TDRD9: variants seen among roughly 807,000 people sequenced by gnomAD.
TDRD9 encodes ATP-dependent RNA helicase TDRD9.
In TDRD9, 124 loss-of-function variants were observed where a neutral mutation model predicts 172.6. The ratio of observed to expected loss-of-function variants is 0.72; its 90% CI spans 0.62 to 0.83. TDRD9 has a LOEUF of 0.83. Ranked by LOEUF, TDRD9 falls within the 40% of genes least tolerant of loss-of-function variation. TDRD9 has a pLI of 0.00. For synonymous variants in TDRD9, 619 were observed against 617.1 expected, an observed-to-expected ratio of 1.00 and a Z score of -0.05; for missense variants, 1,479 against 1,714.1, an observed-to-expected ratio of 0.86 and a Z score of 2.42.
chr14:104,017,529 T>C (rs914082644), intron 22 of TDRD9, among the ~76,000 whole-genome samples: 2 of 152,220 alleles, frequency 1.3e-5, no homozygotes, highest in African/African-American at 4.8e-5. Flanking sequence ...TTACATGCCT[T>C]CTGTCACGGA....
intron 2 of TDRD9, among the ~76,000 whole-genome samples, chr14:103,956,101 AAAAAAAAAAAATATATATATATATAT>A (rs1166548080): frequency 9.2e-5 from 5 of 54,236 alleles, no homozygotes; most frequent in African/African-American, 1.6e-4. Context: ...AAAAAAAAAA[AAAAAAAAAAAATATATATATATATAT>A]ATATATATAT....
At chr14:103,979,515 C>T (rs558770764) in intron 7 of TDRD9, among the ~76,000 whole-genome samples, 1 of 152,292 alleles carries the variant, frequency 6.6e-6, no homozygotes, top group South Asian at 2.1e-4. Context: ...TTGTAACAGT[C>T]ACCTCTCAGG....
At chr14:104,025,826 G>T (rs77647582) in intron 26 of TDRD9, 50 bp downstream of exon 26, 6 of 1,392,862 alleles carry the variant, frequency 4.3e-6, no homozygotes, top group African/African-American at 1.4e-5. Flanking sequence ...ACAGACAGAC[G>T]TACAGCAGTT....
At chr14:103,972,743 C>T (rs1269329750) in intron 6 of TDRD9, among the ~76,000 whole-genome samples, 2 of 152,202 alleles carry the variant, frequency 1.3e-5, no homozygotes, top group East Asian at 3.8e-4. Context: ...ATTTCTCTTT[C>T]TCTTTCCCAT....
chr14:103,987,846 G>T lies in TDRD9; in HGVS notation c.1115+1526G>T, dbSNP rs548410337. ...TATATATTATCGAAAATGAGATATT[G>T]ATGTCCTCAGCAGTTGTTATTGAAT... On this transcript the variant is annotated intron_variant, in intron 8 of 35. Coordinates refer to ENST00000409874, the MANE Select transcript of TDRD9 (RefSeq NM_153046.3). Among the ~76,000 whole-genome samples the T allele has an allele frequency of 6.2e-4, 94 of 152,214 alleles. No individual in the cohort carries two copies. In the Middle Eastern group the frequency reaches 0.01, roughly 17 times the overall value.
chr14:104,014,251 G>GTC (rs2034712990), intron 20 of TDRD9, among the ~76,000 whole-genome samples: 1 of 61,682 alleles, frequency 1.6e-5, no homozygotes, highest in African/African-American at 5.3e-5. Flanking sequence ...AAAAAAAAAA[G>GTC]ATAATAATAA....
In TDRD9 at chr14:103,932,564, T is replaced by A. The variant is rs191660769; in HGVS notation, c.215+3840T>A. Among the ~76,000 whole-genome samples the A allele has an allele frequency of 1.9e-3, 286 of 152,254 alleles. 1 individual carries two copies. Among genetic ancestry groups the A allele is most frequent in the African/African-American group, 6.7e-3 (279 of 41,548 alleles). ...CACCACAGCCGGCTAATTTTTTGTA[T>A]TTTTAGTAGAGACGGGGTTTCACCG... On this transcript the variant is annotated intron_variant, in intron 1 of 35. Coordinates refer to ENST00000409874, the MANE Select transcript of TDRD9 (RefSeq NM_153046.3).
chr14:103,934,456 G>T (rs2030616875), intron 1 of TDRD9, among the ~76,000 whole-genome samples: 1 of 152,094 alleles, frequency 6.6e-6, no homozygotes, highest in Non-Finnish European at 1.5e-5. Flanking sequence ...GAGAGAATAG[G>T]TGTGGTCACG....
Position 104,034,999 on chromosome 14 carries a change from A to G in TDRD9, c.3659A>G (p.His1220Arg), listed in dbSNP as rs2035407446. 3.2e-6 allele frequency: 5 copies of G among 1,551,694 alleles called. No individual in the cohort carries two copies. The highest frequency in any genetic ancestry group is 1.2e-5 in the South Asian group (1 of 84,054). ...MLLRETSLMP[H>R]IPGLPALLSM... ...CTGAGAGAAACCTCTCTGATGCCTCATATCCCTGGCCTCCCGGCTCTCCTC... is the reference window on the plus strand; with the variant it reads ...CTGAGAGAAACCTCTCTGATGCCTCGTATCCCTGGCCTCCCGGCTCTCCTC... The change falls in exon 32 of 36, where the codon CAT becomes CGT. Residue 1220 changes from histidine to arginine, a missense_variant. Physicochemically the swap from His to Arg is conservative, Grantham distance 29. This residue lies in a region of TDRD9 where 1,413 missense variants were observed against 1,649.1 expected (regional missense o/e 0.86). Coordinates refer to ENST00000409874, the MANE Select transcript of TDRD9 (RefSeq NM_153046.3).
rs78768922 is a variant in TDRD9, at chr14:104,025,733, A to T, written c.2888A>T (p.Tyr963Phe). 2 of 1,613,992 alleles carry T rather than the reference A, an allele frequency of 1.2e-6. No homozygotes were observed. Among genetic ancestry groups the T allele is most frequent in the African/African-American group, 2.7e-5 (2 of 75,046 alleles). ...APFADFDKQR[Y>F]FRAQVLYVSG... is the part of the protein sequence containing the mutation. ...TTTGCTGATTTTGATAAACAACGCT[A>T]CTTTAGAGCTCAAGTCCTTTATGTT... The change falls in exon 26 of 36, where the codon TAC becomes TTC. Residue 963 changes from tyrosine (Y) to phenylalanine (F), a missense_variant. Coordinates refer to ENST00000409874, the MANE Select transcript of TDRD9 (RefSeq NM_153046.3).
rs182061886 is a variant in TDRD9 at position 103,937,261 on chromosome 14, C to G, written c.215+8537C>G. 3.9e-5 allele frequency among the ~76,000 whole-genome samples: 6 copies of G among 152,292 alleles called. No homozygotes were observed. The East Asian group carries it at 1.2e-3, about 29-fold the overall frequency. On this transcript the variant is annotated intron_variant, in intron 1 of 35. Coordinates refer to ENST00000409874, the MANE Select transcript of TDRD9 (RefSeq NM_153046.3). ...ATTGGGCATCTCCTTGTCTGCTGCT[C>G]TCGCTGTGCTCTGGTCACATTGGCA...
intron 1 of TDRD9, 29 bp from the exon 2 acceptor site, chr14:103,955,635 A>C: frequency 6.6e-7 from 1 of 1,522,442 alleles, no homozygotes; most frequent in Non-Finnish European, 8.9e-7. Flanking sequence ...TTTTGGAAAT[A>C]GTATACTAAC....
intron 2 of TDRD9, among the ~76,000 whole-genome samples, chr14:103,957,876 C>T (rs2032322345): frequency 6.6e-6 from 1 of 152,244 alleles, no homozygotes; most frequent in African/African-American, 2.4e-5. Flanking sequence ...GCCTGAAACT[C>T]GAAGTGTCTG....
At position 103,995,774 on chromosome 14, in the gene TDRD9, G is replaced by A; in HGVS notation, c.1345G>A (p.Glu449Lys). Residue 449 changes from glutamate (E) to lysine (K), a missense_variant, in exon 12 of 36, where the codon GAG becomes AAG. Glu to Lys is a moderately conservative substitution (Grantham distance 56). Around this residue, in one of 3 missense-constraint regions of TDRD9, gnomAD observed 1,413 missense variants for 1,649.1 expected, o/e 0.86. Transcript: ENST00000409874. ...RKIILSTNIA[E>K]SSVTVPDVKY... ...GATTATTCTGTCCACCAATATTGCA[G>A]AGAGTTCTGTCACAGTTCCAGATGT... is the stretch of plus-strand genomic sequence containing the variant. 1 of 1,609,338 alleles carries A rather than the reference G, an allele frequency of 6.2e-7. No homozygotes were observed. The highest frequency in any genetic ancestry group is 2.2e-5 in the East Asian group (1 of 44,734).
intron 23 of TDRD9, among the ~76,000 whole-genome samples, chr14:104,021,704 T>A (rs1035215795): frequency 3.3e-5 from 5 of 151,928 alleles, no homozygotes; most frequent in South Asian, 4.1e-4. Context: ...AATAAATAAA[T>A]AAAAATAAAT....
Position 104,051,970 on chromosome 14 carries a change from T to C in TDRD9, c.4048-11T>C. ...ACAGAGCCTGACTGGTCCGCTTGTC[T>C]ACCCCATTAGGTTGATCCAAAGCTG... On this transcript the variant is annotated splice_polypyrimidine_tract_variant and intron_variant, in intron 35 of 35. Transcript: ENST00000409874. 1.9e-6 allele frequency: 3 copies of C among 1,576,400 alleles called. No individual in the cohort carries two copies. Among genetic ancestry groups the C allele is most frequent in the Non-Finnish European group, 2.6e-6 (3 of 1,159,132 alleles).
intron 13 of TDRD9, among the ~76,000 whole-genome samples, 168 bp from the exon 14 acceptor site, chr14:104,004,070 A>T (rs539113894): frequency 6.6e-6 from 1 of 152,264 alleles, no homozygotes; most frequent in Non-Finnish European, 1.5e-5. Context: ...TAAAATAATA[A>T]CTTATTAAGA....
intron 7 of TDRD9, among the ~76,000 whole-genome samples, chr14:103,975,978 C>T (rs1486548144): frequency 6.6e-6 from 1 of 152,170 alleles, no homozygotes; most frequent in Non-Finnish European, 1.5e-5. Flanking sequence ...AAAAAGGACA[C>T]TAGAAGTTAT....
At position 104,007,011 on chromosome 14, in the gene TDRD9, G is replaced by A. The variant is rs1343657474; in HGVS notation, c.2008-149G>A. 5.3e-6 allele frequency: 5 copies of A among 948,200 alleles called. No individual in the cohort carries two copies. The African/African-American group carries it at 8.3e-5, about 16-fold the overall frequency. 58.7% of individuals were successfully genotyped at this position (948,200 alleles called of 1,614,324 possible). The stretch of plus-strand genomic sequence containing the variant: ...ATTAACCGTGCTGGAAGAAGTGAGT[G>A]AGGTGGAAGTCCAATTTTATGAAAT... On this transcript the variant is annotated intron_variant, in intron 18 of 35. Coordinates refer to ENST00000409874, the MANE Select transcript of TDRD9 (RefSeq NM_153046.3).
Sources: allele counts gnomAD v4.1 joint callset (sites outside exome capture counted in the v4.1 genomes callset), GRCh38; gene constraint gnomAD v4.1.1; regional missense constraint gnomAD v4.1.1; transcripts MANE v1.5; gene names NCBI Gene and HGNC (gene_info 2026-07-23, HGNC 2026-07-21).